The following NENF variants were observed in gnomAD, a reference collection of about 807,000 sequenced individuals.
NENF encodes neudesin.
In NENF, 6 loss-of-function variants were observed where a neutral mutation model predicts 14.8. The observed-to-expected ratio is 0.40, with a 90% CI of 0.22 to 0.80. NENF has a LOEUF of 0.80. NENF is among the 30% of genes least tolerant of loss of function. The probability of loss-of-function intolerance (pLI) is 0.34; values close to 1 mark genes in which losing one functional copy is unlikely to be tolerated. For synonymous variants in NENF, 76 were observed against 95.1 expected, an observed-to-expected ratio of 0.80 and a Z score of 1.17; for missense variants, 184 against 212.7, an observed-to-expected ratio of 0.87 and a Z score of 0.84.
At position 212,433,025 on chromosome 1, in the gene NENF, A is replaced by G. The variant is rs1296263597; in HGVS notation, c.82A>G (p.Thr28Ala). 2.5e-6 allele frequency: 3 copies of G among 1,177,202 alleles called. No individual in the cohort carries two copies. The highest frequency in any genetic ancestry group is 3.7e-5 in the East Asian group (1 of 26,840). 72.9% of individuals were successfully genotyped at this position (1,177,202 alleles called of 1,614,324 possible). Residue 28 changes from threonine (T) to alanine (A), a missense_variant, in exon 1 of 4, where the codon ACA becomes GCA. Coordinates refer to ENST00000366988, the MANE Select transcript of NENF (RefSeq NM_013349.5). This position sits in a 1 kb window ranked among gnomAD's most constrained non-coding sequence, Gnocchi z 5.5. ...CCTGGCGCTGGCCCCGGGGCTGCCC[A>G]CAGCCCGGGCCGGGCAGACACCGCG... ...LVLALAPGLP[T>A]ARAGQTPRPA...
chr1:212,441,423 G>A lies in NENF; in HGVS notation c.178-1142G>A, dbSNP rs1375947340. ...GCTGCCATTTATAGTTCTAAGGATTGGAAACCACCCAAATACCCAAAATAG... is the reference window on the plus strand; with the variant it reads ...GCTGCCATTTATAGTTCTAAGGATTAGAAACCACCCAAATACCCAAAATAG... On this transcript the variant is annotated intron_variant, in intron 1 of 3. Transcript: ENST00000366988. 2.6e-5 allele frequency among the ~76,000 whole-genome samples: 4 copies of A among 152,278 alleles called. No individual in the cohort carries two copies. The South Asian group carries it at 8.3e-4, about 32-fold the overall frequency.
chr1:212,443,239 A>G (rs1347230709), intron 2 of NENF, among the ~76,000 whole-genome samples: 2 of 152,222 alleles, frequency 1.3e-5, no homozygotes, highest in East Asian at 3.8e-4. Context: ...AAGAGTTGGC[A>G]TTATAGAACA....
chr1:212,443,245 G>C (rs933942049), intron 2 of NENF, among the ~76,000 whole-genome samples: 2 of 152,154 alleles, frequency 1.3e-5, no homozygotes, highest in African/African-American at 4.8e-5. Context: ...TGGCATTATA[G>C]AACATTACAG....
Position 212,433,031 on chromosome 1 carries a change from C to T in NENF, c.88C>T (p.Arg30Trp), listed in dbSNP as rs918412451. The change falls in exon 1 of 4, where the codon CGG becomes TGG. Residue 30 changes from arginine to tryptophan, a missense_variant. Transcript: ENST00000366988. The surrounding 1 kb of genome is among the most constrained non-coding windows in gnomAD (Gnocchi z 5.5). Reference sequence around the variant, plus strand: ...GCTGGCCCCGGGGCTGCCCACAGCCCGGGCCGGGCAGACACCGCGCCCTGC... The same window carrying T: ...GCTGGCCCCGGGGCTGCCCACAGCCTGGGCCGGGCAGACACCGCGCCCTGC... ...LALAPGLPTARAGQTPRPAER... is the reference protein window; with the variant it reads ...LALAPGLPTAWAGQTPRPAER... 5.6e-5 allele frequency: 66 copies of T among 1,181,828 alleles called. No homozygotes were observed. The highest frequency in any genetic ancestry group is 6.8e-5 in the Non-Finnish European group (65 of 955,718). 73.2% of individuals were successfully genotyped at this position (1,181,828 alleles called of 1,614,324 possible).
At chr1:212,444,308 G>A (rs201049372) in intron 2 of NENF, 31 bp from the exon 3 acceptor site, 55 of 1,491,352 alleles carry the variant, frequency 3.7e-5, no homozygotes, top group East Asian at 7.1e-5. Context: ...GTAAACCCAC[G>A]CTTACGTCTC....
At position 212,446,009 on chromosome 1, in the gene NENF, T is replaced by C. The variant is rs1220503928; in HGVS notation, c.*3T>C. 4 of 1,613,964 alleles carry C rather than the reference T, an allele frequency of 2.5e-6. No homozygotes were observed. The African/African-American group carries it at 4.0e-5, about 16-fold the overall frequency. On this transcript the variant is annotated 3_prime_UTR_variant, in exon 4 of 4. Coordinates refer to ENST00000366988, the MANE Select transcript of NENF (RefSeq NM_013349.5). ...TTGACATCAAGGATGAGTTCTGATG[T>C]TCCCCCTGCAGGAGCAGGTTCTTGG...
Position 212,444,570 on chromosome 1 carries a change from T to G in NENF, c.342+128T>G, listed in dbSNP as rs201648282. Reference sequence around the variant, plus strand: ...GTGTGTGTGTGTGTGTGTGTGTGTATCTGGGCAAGAGCAAGCCTTCCTAAT... The same window carrying G: ...GTGTGTGTGTGTGTGTGTGTGTGTAGCTGGGCAAGAGCAAGCCTTCCTAAT... On this transcript the variant is annotated intron_variant, in intron 3 of 3. Transcript: ENST00000366988. 1,414 of 361,324 alleles carry G rather than the reference T, an allele frequency of 3.9e-3. 26 individuals carry two copies. The African/African-American group carries it at 0.066, about 17-fold the overall frequency. The allele number at this position is 361,324 out of a possible 1,614,324, so 22.4% of individuals were successfully genotyped here.
At chr1:212,438,371 A>G (rs1353888346) in intron 1 of NENF, among the ~76,000 whole-genome samples, 1 of 152,164 alleles carries the variant, frequency 6.6e-6, no homozygotes, top group Non-Finnish European at 1.5e-5. Flanking sequence ...TTGCCCTAGG[A>G]AGGGCAAAGG....
At chr1:212,434,365 C>G (rs532703395) in intron 1 of NENF, among the ~76,000 whole-genome samples, 3 of 152,186 alleles carry the variant, frequency 2.0e-5, no homozygotes, top group Non-Finnish European at 4.4e-5. Flanking sequence ...TCACCCTTCC[C>G]TACCCAATAA....
intron 1 of NENF, among the ~76,000 whole-genome samples, chr1:212,441,164 G>A (rs1218807063): frequency 1.3e-5 from 2 of 152,156 alleles, no homozygotes; most frequent in African/African-American, 4.8e-5. Context: ...TTAGTAGAAC[G>A]GTGGGGAAAC....
Position 212,433,150 on chromosome 1 carries a change from C to G in NENF, c.177+30C>G. The G allele has an allele frequency of 2.6e-6, 3 of 1,153,104 alleles. No individual in the cohort carries two copies. The highest frequency in any genetic ancestry group is 3.2e-6 in the Non-Finnish European group (3 of 932,326). 71.4% of individuals were successfully genotyped at this position (1,153,104 alleles called of 1,614,324 possible). On this transcript the variant is annotated intron_variant, in intron 1 of 3. Transcript: ENST00000366988. This position sits in a 1 kb window ranked among gnomAD's most constrained non-coding sequence, Gnocchi z 5.5. Reference sequence around the variant, plus strand: ...GCGGGGGTGTCGCGGGCCGAGGGACCCGGGGTGGCGTCCGATCTGCGGCGA... The same window carrying G: ...GCGGGGGTGTCGCGGGCCGAGGGACGCGGGGTGGCGTCCGATCTGCGGCGA...
At chr1:212,444,200 C>A in intron 2 of NENF, 139 bp from the exon 3 acceptor site, 1 of 462,238 alleles carries the variant, frequency 2.2e-6, no homozygotes, top group Non-Finnish European at 3.8e-6. Flanking sequence ...GACTTTGTAT[C>A]GCCATTGTTT....
rs919114553 is a variant in NENF, at chr1:212,442,430, C to T, written c.178-135C>T. On this transcript the variant is annotated intron_variant, in intron 1 of 3. Coordinates refer to ENST00000366988, the MANE Select transcript of NENF (RefSeq NM_013349.5). Reference sequence around the variant, plus strand: ...AGGCAGGTGGCAAGCTCGCCAAGGACCAGGCTTAACAGAAAGCCTTTGGGA... The same window carrying T: ...AGGCAGGTGGCAAGCTCGCCAAGGATCAGGCTTAACAGAAAGCCTTTGGGA... The T allele has an allele frequency of 5.7e-6, 4 of 701,374 alleles. No individual in the cohort carries two copies. In the African/African-American group the frequency reaches 7.1e-5, roughly 12 times the overall value. The allele number at this position is 701,374 out of a possible 1,614,324, so 43.4% of individuals were successfully genotyped here.
chr1:212,435,526 C>T lies in NENF; in HGVS notation c.177+2406C>T, dbSNP rs58265368. Among the ~76,000 whole-genome samples, 1,389 of 151,454 alleles carry T rather than the reference C, an allele frequency of 9.2e-3. 28 individuals carry two copies. The highest frequency in any genetic ancestry group is 0.032 in the African/African-American group (1,332 of 41,320). ...CAGCCATGTATAACTTTTGACTACC[C>T]CCAAAACTACAGTTTTTTTCCTTTT... On this transcript the variant is annotated intron_variant, in intron 1 of 3. Transcript: ENST00000366988.
Position 212,433,178 on chromosome 1 carries a change from C to G in NENF, c.177+58C>G, listed in dbSNP as rs995266213. The G allele has an allele frequency of 2.0e-4, 212 of 1,081,106 alleles. No individual in the cohort carries two copies. Among genetic ancestry groups the G allele is most frequent in the Non-Finnish European group, 2.2e-4 (188 of 873,338 alleles). 67.0% of individuals were successfully genotyped at this position (1,081,106 alleles called of 1,614,324 possible). A position where few individuals can be genotyped will look rare whatever the true frequency, so the allele number is the denominator to read the frequency against. On this transcript the variant is annotated intron_variant, in intron 1 of 3. Transcript: ENST00000366988. This position sits in a 1 kb window ranked among gnomAD's most constrained non-coding sequence, Gnocchi z 5.5. ...GGGTGGCGTCCGATCTGCGGCGAGCCGAGCGGGGACCCAGGAGGCGCCGGC... is the reference window on the plus strand; with the variant it reads ...GGGTGGCGTCCGATCTGCGGCGAGCGGAGCGGGGACCCAGGAGGCGCCGGC...
intron 1 of NENF, among the ~76,000 whole-genome samples, chr1:212,439,482 C>T (rs547986924): frequency 9.0e-4 from 136 of 151,242 alleles, no homozygotes; most frequent in African/African-American, 3.1e-3. Context: ...GCGGAGGTTG[C>T]GATGAGCCAA....
intron 2 of NENF, 112 bp downstream of exon 2, chr1:212,442,737 C>T (rs999112122): frequency 5.7e-6 from 4 of 701,240 alleles, no homozygotes; most frequent in Non-Finnish European, 7.6e-6. Flanking sequence ...CCTTTTCATT[C>T]CATTTTATTT....
chr1:212,435,073 G>A (rs1662582264), intron 1 of NENF: 1 of 152,194 alleles, frequency 6.6e-6, no homozygotes, highest in African/African-American at 2.4e-5. Flanking sequence ...GTTATCCAGG[G>A]ATAATTATTA....
intron 1 of NENF, among the ~76,000 whole-genome samples, chr1:212,439,303 C>T (rs988166192): frequency 5.3e-5 from 8 of 151,464 alleles, no homozygotes; most frequent in African/African-American, 1.9e-4. Context: ...GAGGCCGAGG[C>T]GGGTAGATCA....
Sources: allele counts gnomAD v4.1 joint callset (sites outside exome capture counted in the v4.1 genomes callset), GRCh38; gene constraint gnomAD v4.1.1; non-coding constraint Gnocchi (gnomAD v3.1); transcripts MANE v1.5; gene names NCBI Gene and HGNC (gene_info 2026-07-23, HGNC 2026-07-21).